ALK: variants seen among roughly 807,000 people sequenced by gnomAD.
ALK encodes the protein ALK tyrosine kinase receptor.
Under a neutral mutation model 163.1 loss-of-function variants are expected in ALK, and 74 were observed. That is an observed-to-expected ratio of 0.45 (90% CI 0.38 to 0.55). ALK has a LOEUF of 0.55. Among genes scored for constraint, ALK ranks in the 20% least tolerant of loss-of-function variants. The pLI, the probability that ALK is intolerant of heterozygous loss-of-function variation, is 0.00. For synonymous variants in ALK, 960 were observed against 843.2 expected (o/e 1.14, Z -2.40); for missense variants, 2,063 against 2,105.3 (o/e 0.98, Z 0.39).
chr2:29,601,958 G>T (rs1675390661), intron 3 of ALK, among the ~76,000 whole-genome samples: 1 of 152,032 alleles, frequency 6.6e-6, no homozygotes, highest in African/African-American at 2.4e-5. Flanking sequence ...GAAGGTGGGG[G>T]CGGGGGACAG....
chr2:29,761,907 T>A (rs536600238), intron 1 of ALK, among the ~76,000 whole-genome samples: 1 of 152,352 alleles, frequency 6.6e-6, no homozygotes, highest in African/African-American at 2.4e-5. Flanking sequence ...ATTTAGATGG[T>A]TTATTTAAAA....
intron 3 of ALK, among the ~76,000 whole-genome samples, chr2:29,589,116 G>C (rs575625007): frequency 3.3e-5 from 5 of 152,294 alleles, no homozygotes; most frequent in Non-Finnish European, 7.4e-5. Flanking sequence ...CCGAGCAAGC[G>C]ATGATAGGTG....
intron 1 of ALK, among the ~76,000 whole-genome samples, chr2:29,876,720 GTGA>G (rs1211467302): frequency 4.0e-5 from 6 of 148,512 alleles, no homozygotes; most frequent in African/African-American, 7.5e-5. Context: ...GGTGGTGATG[GTGA>G]TGATGATGGT....
intron 3 of ALK, among the ~76,000 whole-genome samples, chr2:29,581,740 C>T (rs967874597): frequency 4.6e-5 from 7 of 152,084 alleles, no homozygotes; most frequent in African/African-American, 1.4e-4. Flanking sequence ...CCCTCTGGAT[C>T]CCCAAAACAG....
intron 1 of ALK, among the ~76,000 whole-genome samples, chr2:29,735,611 G>C (rs971174276): frequency 6.6e-6 from 1 of 151,912 alleles, no homozygotes; most frequent in Non-Finnish European, 1.5e-5. Context: ...TTGAATTGTA[G>C]TTCCCATAAT....
At chr2:29,299,546 A>T (rs1666306498) in intron 8 of ALK, among the ~76,000 whole-genome samples, 1 of 152,200 alleles carries the variant, frequency 6.6e-6, no homozygotes, top group South Asian at 2.1e-4. Flanking sequence ...CTAAGATGAG[A>T]ATAGTTTTAT....
intron 19 of ALK, 116 bp from the exon 20 acceptor site, chr2:29,223,644 A>T (rs2148171550): frequency 1.1e-6 from 1 of 910,458 alleles, no homozygotes; most frequent in Non-Finnish European, 1.7e-6. Flanking sequence ...TGAGCTCTGA[A>T]CCTTTCCATC....
chr2:29,674,371 G>T (rs1677806398), intron 3 of ALK, among the ~76,000 whole-genome samples: 1 of 151,784 alleles, frequency 6.6e-6, no homozygotes, highest in Admixed American at 6.6e-5. Context: ...TTTATTGGGA[G>T]TTTTTAGCAT....
chr2:29,633,563 AAT>A (rs1676441538), intron 3 of ALK, among the ~76,000 whole-genome samples: 1 of 151,956 alleles, frequency 6.6e-6, no homozygotes, highest in African/African-American at 2.4e-5. Context: ...AGATATAATA[AAT>A]ATAGAGAAAA....
chr2:29,826,847 A>T (rs1478851648), intron 1 of ALK, among the ~76,000 whole-genome samples: 1 of 152,234 alleles, frequency 6.6e-6, no homozygotes, highest in Non-Finnish European at 1.5e-5. Flanking sequence ...GGGCACTCAA[A>T]ATGTTTTTAC....
intron 11 of ALK, among the ~76,000 whole-genome samples, chr2:29,261,950 TTG>T (rs1242187512): frequency 6.6e-6 from 1 of 152,190 alleles, no homozygotes; most frequent in Admixed American, 6.5e-5. Context: ...GCATTTATAT[TTG>T]GTGGATGGTG....
chr2:29,620,375 C>G (rs1381471671), intron 3 of ALK, among the ~76,000 whole-genome samples: 1 of 152,120 alleles, frequency 6.6e-6, no homozygotes, highest in Non-Finnish European at 1.5e-5. Flanking sequence ...AAGGATCTAC[C>G]TTCCTCCAGT....
At chr2:29,831,094 AGG>A in intron 1 of ALK, among the ~76,000 whole-genome samples, 1 of 55,972 alleles carries the variant, frequency 1.8e-5, no homozygotes, top group African/African-American at 7.0e-5. Context: ...GAGGAGGAGG[AGG>A]AGGAGGAGGA....
intron 3 of ALK, among the ~76,000 whole-genome samples, chr2:29,548,754 T>C (rs1395721276): frequency 1.3e-5 from 2 of 152,112 alleles, no homozygotes; most frequent in South Asian, 2.1e-4. Flanking sequence ...TAATAATATT[T>C]AACAAAAAAG....
At chr2:29,444,578 T>A (rs1033260706) in intron 4 of ALK, among the ~76,000 whole-genome samples, 1 of 152,076 alleles carries the variant, frequency 6.6e-6, no homozygotes, top group Admixed American at 6.6e-5. Context: ...GGATCCTTTA[T>A]ACAAAAAAAA....
chr2:29,205,415 C>T (rs1401110672), intron 26 of ALK, among the ~76,000 whole-genome samples: 1 of 152,172 alleles, frequency 6.6e-6, no homozygotes, highest in Non-Finnish European at 1.5e-5. Context: ...TTGTAAAAAA[C>T]AAAACCAACC....
chr2:29,453,201 G>GCAA (rs70958264), intron 4 of ALK, among the ~76,000 whole-genome samples: 86,153 of 151,666 alleles, frequency 0.57, 24,663 homozygotes, highest in East Asian at 0.68. Context: ...TACTGTTTTT[G>GCAA]CAACTCTTAT....
chr2:29,430,659 T>C (rs1031678155), intron 4 of ALK, among the ~76,000 whole-genome samples: 2 of 152,246 alleles, frequency 1.3e-5, no homozygotes, highest in African/African-American at 4.8e-5. Context: ...AAGTCAATTC[T>C]GGAGATAAAA....
At chr2:29,251,080 TC>T in intron 12 of ALK, 24 bp downstream of exon 12, 1 of 1,610,454 alleles carries the variant, frequency 6.2e-7, no homozygotes. Context: ...GGTCTGCCCC[TC>T]CCCTCCCCCT....
Sources: gnomAD v4.1 joint callset for allele counts (sites outside exome capture counted in the v4.1 genomes callset) on GRCh38, gnomAD v4.1.1 for gene constraint, MANE v1.5 for transcripts, NCBI Gene and HGNC (gene_info 2026-07-23, HGNC 2026-07-21) for gene names.